The following CCZ1 variants were observed in gnomAD, a reference collection of about 807,000 sequenced individuals.
CCZ1 encodes the protein vacuolar fusion protein CCZ1 homolog.
CCZ1 carries 19 observed loss-of-function variants against 57.8 expected under a neutral mutation model. The observed-to-expected ratio is 0.33, with a 90% CI of 0.23 to 0.48. The LOEUF (loss-of-function observed/expected upper bound fraction) is 0.48, where lower values mean the gene tolerates loss of function less well. Among genes scored for constraint, CCZ1 ranks in the 20% least tolerant of loss-of-function variants. The pLI is 0.99. For missense variants in CCZ1, 200 were observed against 492.0 expected (o/e 0.41, Z 5.61); for synonymous variants, 81 against 167.0 (o/e 0.49, Z 3.97).
intron 12 of CCZ1, among the ~76,000 whole-genome samples, chr7:5,920,953 T>G (rs1359538826): frequency 6.7e-5 from 5 of 75,068 alleles, no homozygotes; most frequent in Non-Finnish European, 1.2e-4. Context: ...TTTTTTGGGT[T>G]TTTTTTTTTT....
At chr7:5,920,773 T>C (rs1779225681) in intron 12 of CCZ1, among the ~76,000 whole-genome samples, 2 of 103,568 alleles carry the variant, frequency 1.9e-5, no homozygotes, top group South Asian at 2.7e-4. Context: ...CACCCGGCCA[T>C]GCTTATCTTT....
At chr7:5,899,313 ATAAAT>A (rs1781621938) in intron 1 of CCZ1, among the ~76,000 whole-genome samples, 1 of 135,516 alleles carries the variant, frequency 7.4e-6, no homozygotes, top group Non-Finnish European at 1.6e-5. Flanking sequence ...AAATGAGGAA[ATAAAT>A]TAATTTCGGG....
intron 9 of CCZ1, 126 bp downstream of exon 9, chr7:5,912,048 G>C: frequency 6.3e-7 from 1 of 1,575,838 alleles, no homozygotes; most frequent in Non-Finnish European, 8.6e-7. Context: ...CCGCCTCCCC[G>C]GGCTCAAGTG....
chr7:5,906,927 G>C lies in CCZ1; in HGVS notation c.698+1658G>C, dbSNP rs1464853937. 8.0e-5 allele frequency among the ~76,000 whole-genome samples: 12 copies of C among 150,116 alleles called. No individual in the cohort carries two copies. In the East Asian group the frequency reaches 2.3e-3, roughly 29 times the overall value. ...CTGTTGCCCAGGCTGGAGTGCAGTG[G>C]CATGATCTTGGCTTGCTGCAACCCC... On this transcript the variant is annotated intron_variant, in intron 7 of 14. Coordinates refer to ENST00000325974, the MANE Select transcript of CCZ1 (RefSeq NM_015622.6).
intron 10 of CCZ1, among the ~76,000 whole-genome samples, chr7:5,916,782 C>CT (rs1779158615): frequency 7.1e-6 from 1 of 141,010 alleles, no homozygotes; most frequent in Non-Finnish European, 1.5e-5. Flanking sequence ...GCTGTGCGGG[C>CT]TTGGGTGTAA....
At chr7:5,902,919 C>T (rs1781718676) in intron 6 of CCZ1, among the ~76,000 whole-genome samples, 175 bp downstream of exon 6, 1 of 148,844 alleles carries the variant, frequency 6.7e-6, no homozygotes, top group Non-Finnish European at 1.5e-5. Context: ...GAGGCTTGTG[C>T]TCTGGAACCT....
intron 8 of CCZ1, among the ~76,000 whole-genome samples, chr7:5,910,398 G>A (rs1482644442): frequency 1.3e-5 from 2 of 149,392 alleles, no homozygotes; most frequent in Admixed American, 6.6e-5. Flanking sequence ...ACGGAGTCTC[G>A]AACTTTCGCC....
At chr7:5,910,243 T>A (rs1323635367) in intron 8 of CCZ1, 127 bp downstream of exon 8, 2 of 854,362 alleles carry the variant, frequency 2.3e-6, no homozygotes, top group Non-Finnish European at 3.7e-6. Context: ...ACTGTGATAT[T>A]TGTGTCACTG....
At position 5,922,944 on chromosome 7, in the gene CCZ1, A is replaced by C. The variant is rs528694702; in HGVS notation, c.1107-443A>C. Reference sequence around the variant, plus strand: ...TGTAGATACGTGTTAAAACTACTCAACTGTCATTTTGGTGGGAAAGCAGAC... The same window carrying C: ...TGTAGATACGTGTTAAAACTACTCACCTGTCATTTTGGTGGGAAAGCAGAC... On this transcript the variant is annotated intron_variant, in intron 12 of 14. Transcript: ENST00000325974. Among the ~76,000 whole-genome samples the C allele has an allele frequency of 8.7e-4, 131 of 150,160 alleles. 6 individuals carry two copies. The highest frequency in any genetic ancestry group is 3.1e-3 in the African/African-American group (122 of 39,946).
At chr7:5,905,780 CCAAAAAAAAAAAAAAAAAAAAAAA>C (rs1781798549) in intron 7 of CCZ1, among the ~76,000 whole-genome samples, 7 of 4,010 alleles carry the variant, frequency 1.7e-3, no homozygotes, top group South Asian at 0.019. Context: ...GACTCTGTCT[CCAAAAAAAAAAAAAAAAAAAAAAA>C]AAAGAGAAAA....
Position 5,922,959 on chromosome 7 carries a change from G to A in CCZ1, c.1107-428G>A, listed in dbSNP as rs1329810283. 2.7e-5 allele frequency among the ~76,000 whole-genome samples: 4 copies of A among 149,706 alleles called. No individual in the cohort carries two copies. In the East Asian group the frequency reaches 7.8e-4, roughly 29 times the overall value. On this transcript the variant is annotated intron_variant, in intron 12 of 14. Transcript: ENST00000325974. ...AAACTACTCAACTGTCATTTTGGTG[G>A]GAAAGCAGACAGACAACACATGAAC...
At chr7:5,905,453 T>C (rs939163564) in intron 7 of CCZ1, among the ~76,000 whole-genome samples, 184 bp downstream of exon 7, 2 of 144,452 alleles carry the variant, frequency 1.4e-5, no homozygotes, top group African/African-American at 5.3e-5. Flanking sequence ...TGATTTGGGT[T>C]CAAATTTCCA....
intron 11 of CCZ1, chr7:5,919,129 T>C (rs372487579): frequency 0.023 from 10,042 of 431,260 alleles, 191 homozygotes; most frequent in Non-Finnish European, 0.03. Context: ...GGACTGCCAG[T>C]ACACACCGCC....
At chr7:5,900,194 A>T in intron 1 of CCZ1, 90 bp from the exon 2 acceptor site, 1 of 1,405,136 alleles carries the variant, frequency 7.1e-7, no homozygotes. Context: ...AGCATGTGTG[A>T]CACAAGAGGT....
intron 7 of CCZ1, among the ~76,000 whole-genome samples, chr7:5,907,246 A>G (rs1781852816): frequency 6.7e-6 from 1 of 149,574 alleles, no homozygotes; most frequent in Non-Finnish European, 1.5e-5. Flanking sequence ...TGATATGTAC[A>G]CAATGTTACT....
intron 7 of CCZ1, among the ~76,000 whole-genome samples, chr7:5,908,777 G>A (rs1203537185): frequency 7.0e-6 from 1 of 143,718 alleles, no homozygotes; most frequent in Non-Finnish European, 1.5e-5. Context: ...TCTGATACCT[G>A]CTAGTTTCTC....
At chr7:5,910,220 T>C (rs1781937852) in intron 8 of CCZ1, 104 bp downstream of exon 8, 2 of 1,014,824 alleles carry the variant, frequency 2.0e-6, no homozygotes, top group Non-Finnish European at 3.0e-6. Flanking sequence ...GTTTCTGATG[T>C]ATGTTTTGTC....
At chr7:5,911,837 T>C in intron 8 of CCZ1, 24 bp from the exon 9 acceptor site, 1 of 1,512,418 alleles carries the variant, frequency 6.6e-7, no homozygotes, top group Non-Finnish European at 9.0e-7. Context: ...GATAAGTCAT[T>C]CTCAACATTA....
intron 7 of CCZ1, among the ~76,000 whole-genome samples, chr7:5,907,459 G>GAGA (rs1289185116): frequency 6.7e-6 from 1 of 148,528 alleles, no homozygotes; most frequent in Non-Finnish European, 1.5e-5. Context: ...CCACCAAAAA[G>GAGA]AGAAGGGTAG....
Sources: gnomAD v4.1 joint callset for allele counts (sites outside exome capture counted in the v4.1 genomes callset) on GRCh38, gnomAD v4.1.1 for gene constraint, MANE v1.5 for transcripts, NCBI Gene and HGNC (gene_info 2026-07-23, HGNC 2026-07-21) for gene names.